The following EIF4G3 variants were observed in gnomAD, a reference collection of about 807,000 sequenced individuals.
EIF4G3 encodes eIF-4-gamma 3.
In EIF4G3, 34 loss-of-function variants were observed where a neutral mutation model predicts 186.4. The ratio of observed to expected loss-of-function variants is 0.18; its 90% CI spans 0.14 to 0.24. The LOEUF is 0.24. EIF4G3 is among the 10% of genes least tolerant of loss of function. The pLI is 1.00. For synonymous variants in EIF4G3, 673 were observed against 679.5 expected (o/e 0.99, Z 0.15); for missense variants, 1,536 against 1,948.5 (o/e 0.79, Z 3.99).
At chr1:20,968,399 C>T (rs566335960) in intron 12 of EIF4G3, among the ~76,000 whole-genome samples, 14 of 152,124 alleles carry the variant, frequency 9.2e-5, no homozygotes, top group African/African-American at 3.1e-4. Context: ...AGATTGGTCT[C>T]GAACTCCAGA....
At chr1:21,121,647 C>T (rs1408136234) in intron 2 of EIF4G3, among the ~76,000 whole-genome samples, 4 of 151,944 alleles carry the variant, frequency 2.6e-5, no homozygotes, top group Admixed American at 6.6e-5. Flanking sequence ...TGGTGGTGCA[C>T]ACCTGTAGTC....
At chr1:21,143,352 G>A (rs1391591221) in intron 2 of EIF4G3, among the ~76,000 whole-genome samples, 1 of 150,936 alleles carries the variant, frequency 6.6e-6, no homozygotes, top group Non-Finnish European at 1.5e-5. Context: ...GGAGAAGAAG[G>A]AGAAAGAGAA....
chr1:21,176,715 A>G lies in EIF4G3; in HGVS notation c.-456+7T>C, dbSNP rs2098119680. 1 of 673,406 alleles carries G rather than the reference A, an allele frequency of 1.5e-6. No individual in the cohort carries two copies. The highest frequency in any genetic ancestry group is 1.9e-5 in the African/African-American group (1 of 54,026). The allele number at this position is 673,406 out of a possible 1,614,324, so 41.7% of individuals were successfully genotyped here. Reference sequence around the variant, plus strand: ...CCCGGCGGGGGCAGGAGGCGGAGAGACCGGACCTTTCACGGCAATATCCTC... The same window carrying G: ...CCCGGCGGGGGCAGGAGGCGGAGAGGCCGGACCTTTCACGGCAATATCCTC... On this transcript the variant is annotated splice_region_variant and intron_variant, in intron 1 of 36. Transcript: ENST00000602326.
At chr1:21,039,254 C>A (rs1426523329) in intron 4 of EIF4G3, among the ~76,000 whole-genome samples, 1 of 152,144 alleles carries the variant, frequency 6.6e-6, no homozygotes, top group Non-Finnish European at 1.5e-5. Context: ...GCCAAAAAAA[C>A]GAAGCCAGGC....
chr1:20,807,818 A>G (rs1225235233), intron 36 of EIF4G3, among the ~76,000 whole-genome samples: 15 of 117,888 alleles, frequency 1.3e-4, no homozygotes, highest in African/African-American at 4.6e-4. Flanking sequence ...GCTGGAGTGC[A>G]GTGGTGCGAT....
At chr1:20,961,578 A>T (rs1371738731) in intron 12 of EIF4G3, among the ~76,000 whole-genome samples, 1 of 152,186 alleles carries the variant, frequency 6.6e-6, no homozygotes, top group Non-Finnish European at 1.5e-5. Context: ...CACCTTACTG[A>T]TCTACCAAAC....
At chr1:21,116,623 G>A (rs2096828225) in intron 2 of EIF4G3, among the ~76,000 whole-genome samples, 1 of 151,852 alleles carries the variant, frequency 6.6e-6, no homozygotes. Context: ...GCGGATCACA[G>A]GGTCAGGAGT....
At chr1:21,068,183 G>A (rs1452765449) in intron 3 of EIF4G3, among the ~76,000 whole-genome samples, 3 of 151,558 alleles carry the variant, frequency 2.0e-5, no homozygotes, top group African/African-American at 7.3e-5. Context: ...GACCAGCCTG[G>A]CCAACATGGT....
chr1:21,088,183 T>C (rs2096060833), intron 3 of EIF4G3, among the ~76,000 whole-genome samples: 1 of 152,086 alleles, frequency 6.6e-6, no homozygotes, highest in Non-Finnish European at 1.5e-5. Context: ...TCCCAGCACT[T>C]TGAGGGGCTG....
chr1:20,834,235 GC>G (rs2066098400), intron 30 of EIF4G3, among the ~76,000 whole-genome samples: 1 of 152,100 alleles, frequency 6.6e-6, no homozygotes, highest in East Asian at 1.9e-4. Flanking sequence ...GATCAATTGA[GC>G]CTAGTTGTTG....
In EIF4G3 at chr1:20,872,886, G is replaced by A. The variant is rs148940503; in HGVS notation, c.2622+6437C>T. 4.0e-3 allele frequency among the ~76,000 whole-genome samples: 615 copies of A among 151,936 alleles called. 6 individuals are homozygous for A. The highest frequency in any genetic ancestry group is 0.014 in the African/African-American group (572 of 41,438). On this transcript the variant is annotated intron_variant, in intron 20 of 36. Coordinates refer to ENST00000602326, the MANE Select transcript of EIF4G3 (RefSeq NM_001391906.1). ...CAAGTAGCTGGGATTACAGGCATGC[G>A]CCACCATGCCCAGCTAATTTTTGTA...
intron 2 of EIF4G3, among the ~76,000 whole-genome samples, chr1:21,135,815 C>T (rs1347163300): frequency 6.6e-6 from 1 of 152,182 alleles, no homozygotes; most frequent in Non-Finnish European, 1.5e-5. Context: ...TCCCTGTTAT[C>T]AACAGAAAGA....
At chr1:21,167,692 A>T (rs1368919356) in intron 2 of EIF4G3, among the ~76,000 whole-genome samples, 1 of 152,134 alleles carries the variant, frequency 6.6e-6, no homozygotes, top group African/African-American at 2.4e-5. Context: ...CGGGAGGTGG[A>T]GGTTGCAATG....
intron 4 of EIF4G3, among the ~76,000 whole-genome samples, chr1:21,049,824 G>C (rs1008483123): frequency 1.3e-5 from 2 of 152,052 alleles, no homozygotes; most frequent in African/African-American, 4.8e-5. Flanking sequence ...CCAGGAGTTA[G>C]AGGTTACAGT....
intron 12 of EIF4G3, among the ~76,000 whole-genome samples, chr1:20,961,891 T>C (rs1007048422): frequency 6.6e-6 from 1 of 152,220 alleles, no homozygotes; most frequent in Non-Finnish European, 1.5e-5. Context: ...ATTTTTATCG[T>C]AGTCACCACT....
At chr1:21,148,916 C>T (rs903170597) in intron 2 of EIF4G3, among the ~76,000 whole-genome samples, 1 of 151,458 alleles carries the variant, frequency 6.6e-6, no homozygotes, top group East Asian at 1.9e-4. Context: ...ATTAAAGATG[C>T]CTTCAGAATG....
At chr1:20,923,053 T>C (rs1056939632) in intron 14 of EIF4G3, among the ~76,000 whole-genome samples, 3 of 152,046 alleles carry the variant, frequency 2.0e-5, no homozygotes, top group African/African-American at 7.2e-5. Flanking sequence ...AGAGTAAAGG[T>C]TGGGGCTAGA....
chr1:21,021,493 G>A (rs1355970788), intron 4 of EIF4G3, among the ~76,000 whole-genome samples: 3 of 152,100 alleles, frequency 2.0e-5, no homozygotes, highest in African/African-American at 7.2e-5. Context: ...TCAAAGCCAA[G>A]CATGTAACAG....
chr1:20,810,945 TTTTC>T lies in EIF4G3; in HGVS notation c.4598-65_4598-62del, dbSNP rs1410491194. The T allele has an allele frequency of 5.3e-6, 8 of 1,517,494 alleles. No homozygotes were observed. In the East Asian group the frequency reaches 1.4e-4, roughly 26 times the overall value. The allele number at this position is 1,517,494 out of a possible 1,614,324, so 94.0% of individuals were successfully genotyped here. A position where few individuals can be genotyped will look rare whatever the true frequency, so the allele number is the denominator to read the frequency against. The stretch of plus-strand genomic sequence containing the variant: ...GGAGTTAACATAGAATTATCTTTAA[TTTTC>T]TTTCTTTTTTCTTTTTTTGAGACAG... On this transcript the variant is annotated intron_variant, in intron 35 of 36. Transcript: ENST00000602326. This position sits in a 1 kb window ranked among gnomAD's most constrained non-coding sequence, Gnocchi z 4.1.
Sources: allele counts gnomAD v4.1 joint callset (sites outside exome capture counted in the v4.1 genomes callset), GRCh38; gene constraint gnomAD v4.1.1; non-coding constraint Gnocchi (gnomAD v3.1); transcripts MANE v1.5; gene names NCBI Gene and HGNC (gene_info 2026-07-23, HGNC 2026-07-21).